Variants in NPTXR observed in about 807,000 individuals in gnomAD.
NPTXR encodes the protein neuronal pentraxin receptor.
A neutral mutation model predicts 32.2 loss-of-function variants in NPTXR; 12 were observed. The observed-to-expected ratio is 0.37, with a 90% CI of 0.24 to 0.60. The LOEUF is 0.60. NPTXR is among the 20% of genes least tolerant of loss of function. NPTXR has a pLI of 0.66. For missense variants in NPTXR, 612 were observed against 682.9 expected, an observed-to-expected ratio of 0.90 and a Z score of 1.16; for synonymous variants, 323 against 315.8, an observed-to-expected ratio of 1.02 and a Z score of -0.24.
At position 38,823,073 on chromosome 22, in the gene NPTXR, T is replaced by C. The variant is rs2093100740; in HGVS notation, c.1278+10A>G. 1 of 1,614,024 alleles carries C rather than the reference T, an allele frequency of 6.2e-7. No homozygotes were observed. Among genetic ancestry groups the C allele is most frequent in the Non-Finnish European group, 8.5e-7 (1 of 1,179,932 alleles). Reference sequence around the variant, plus strand: ...AGGAGGTCCAGCCCCAATATCAGCCTGAGCCTTACCTGCTCCTGGCCCAAG... The same window carrying C: ...AGGAGGTCCAGCCCCAATATCAGCCCGAGCCTTACCTGCTCCTGGCCCAAG... On this transcript the variant is annotated intron_variant, in intron 4 of 4. Transcript: ENST00000333039.
intron 3 of NPTXR, 78 bp downstream of exon 3, chr22:38,826,422 G>C (rs2093106655): frequency 6.7e-6 from 10 of 1,487,954 alleles, no homozygotes; most frequent in Non-Finnish European, 9.1e-6. Context: ...GCAGGAGAAT[G>C]AAAGAGCCCA....
At chr22:38,833,409 C>G (rs2093119285) in intron 1 of NPTXR, among the ~76,000 whole-genome samples, 1 of 152,238 alleles carries the variant, frequency 6.6e-6, no homozygotes, top group African/African-American at 2.4e-5. Flanking sequence ...GGCCCCTCAC[C>G]TCCCCCATCC....
intron 1 of NPTXR, among the ~76,000 whole-genome samples, chr22:38,832,805 C>A (rs188481506): frequency 1.4e-4 from 21 of 151,736 alleles, no homozygotes; most frequent in Admixed American, 9.8e-4. Context: ...GTTGATCTGC[C>A]AAGTGGGCAC....
intron 1 of NPTXR, among the ~76,000 whole-genome samples, chr22:38,830,684 C>G (rs1016346457): frequency 3.9e-5 from 6 of 152,180 alleles, no homozygotes; most frequent in African/African-American, 1.4e-4. Context: ...GAGGTTGCTT[C>G]ACAGGGCAGG....
Position 38,822,702 on chromosome 22 carries a change from G to A in NPTXR, c.1410C>T (p.Gly470=). 1 of 1,614,156 alleles carries A rather than the reference G, an allele frequency of 6.2e-7. No homozygotes were observed. The highest frequency in any genetic ancestry group is 1.1e-5 in the South Asian group (1 of 91,080). The change falls in exon 5 of 5, where the codon GGC becomes GGT. Residue 470 remains glycine (G), a synonymous_variant. Coordinates refer to ENST00000333039, the MANE Select transcript of NPTXR (RefSeq NM_014293.4). ...ACTTGTCTTCCCAGGGAAGGACGTT[G>A]CCCAGCAGTGGCGCAGTGCAGTTGG...
rs1313615471 is a variant in NPTXR at position 38,836,163 on chromosome 22, C to T, written c.624+7072G>A. Reference sequence around the variant, plus strand: ...CATACCGAGTTTGGCGAGGTTTACACGCGGGCGGGCTTGTAAACTCTCTCA... The same window carrying T: ...CATACCGAGTTTGGCGAGGTTTACATGCGGGCGGGCTTGTAAACTCTCTCA... On this transcript the variant is annotated intron_variant, in intron 1 of 4. Coordinates refer to ENST00000333039, the MANE Select transcript of NPTXR (RefSeq NM_014293.4). 2.0e-5 allele frequency among the ~76,000 whole-genome samples: 3 copies of T among 152,124 alleles called. No homozygotes were observed. The East Asian group carries it at 5.8e-4, about 29-fold the overall frequency.
At chr22:38,827,967 G>T (rs1444713022) in intron 2 of NPTXR, among the ~76,000 whole-genome samples, 1 of 152,174 alleles carries the variant, frequency 6.6e-6, no homozygotes, top group Non-Finnish European at 1.5e-5. Context: ...CGCCACTTTT[G>T]TCTGTGTGAC....
chr22:38,843,243 G>T lies in NPTXR; in HGVS notation c.616C>A (p.Arg206Ser). 1 of 1,391,600 alleles carries T rather than the reference G, an allele frequency of 7.2e-7. No individual in the cohort carries two copies. Among genetic ancestry groups the T allele is most frequent in the Non-Finnish European group, 9.3e-7 (1 of 1,078,054 alleles). The allele number at this position is 1,391,600 out of a possible 1,614,324, so 86.2% of individuals were successfully genotyped here. Reference sequence around the variant, plus strand: ...CGGCGCGCGGCGCTCACCTCCAGGCGGTCGATGCGGTCCCGCAGGGCGCGC... The same window carrying T: ...CGGCGCGCGGCGCTCACCTCCAGGCTGTCGATGCGGTCCCGCAGGGCGCGC... Residue 206 changes from arginine (R) to serine (S), a missense_variant, in exon 1 of 5, where the codon CGC (arginine) becomes AGC (serine). By Grantham distance (110) the Arg-to-Ser change is moderately radical. Coordinates refer to ENST00000333039, the MANE Select transcript of NPTXR (RefSeq NM_014293.4). This position sits in a 1 kb window ranked among gnomAD's most constrained non-coding sequence, Gnocchi z 5.3.
intron 1 of NPTXR, among the ~76,000 whole-genome samples, chr22:38,838,863 G>A (rs1387445250): frequency 6.6e-6 from 1 of 152,112 alleles, no homozygotes; most frequent in Non-Finnish European, 1.5e-5. Context: ...TTACAGGTGT[G>A]AGCCACCGCG....
rs1180035988 is a variant in NPTXR, at chr22:38,818,983, C to T, written c.*3626G>A. 1 of 152,348 alleles carries T rather than the reference C, an allele frequency of 6.6e-6. No individual in the cohort carries two copies. The highest frequency in any genetic ancestry group is 1.5e-5 in the Non-Finnish European group (1 of 68,162). 9.4% of individuals were successfully genotyped at this position (152,348 alleles called of 1,614,324 possible). ...CTGGGTGGCCTTGAGGGTCGCTCCCCTCCCCGGGCTTCAGCTTCCTCATCT... is the reference window on the plus strand; with the variant it reads ...CTGGGTGGCCTTGAGGGTCGCTCCCTTCCCCGGGCTTCAGCTTCCTCATCT... On this transcript the variant is annotated 3_prime_UTR_variant, in exon 5 of 5. Coordinates refer to ENST00000333039, the MANE Select transcript of NPTXR (RefSeq NM_014293.4). This position sits in a 1 kb window ranked among gnomAD's most constrained non-coding sequence, Gnocchi z 4.5.
rs56034166 is a variant in NPTXR, at chr22:38,826,593, G to T, written c.1005C>A (p.Gly335=). The T allele has an allele frequency of 1.2e-6, 2 of 1,614,250 alleles. No homozygotes were observed. Among genetic ancestry groups the T allele is most frequent in the East Asian group, 2.2e-5 (1 of 44,890 alleles). The change falls in exon 3 of 5, where the codon GGC becomes GGA. Residue 335 remains glycine (G), a synonymous_variant. Transcript: ENST00000333039. ...CGGGCACTGAGTAGGAGAAGGGGGTGCCCTGGCCGGTGCCGCTGGACCTGG... is the reference window on the plus strand; with the variant it reads ...CGGGCACTGAGTAGGAGAAGGGGGTTCCCTGGCCGGTGCCGCTGGACCTGG...
At chr22:38,840,357 G>T (rs1388930609) in intron 1 of NPTXR, among the ~76,000 whole-genome samples, 1 of 152,126 alleles carries the variant, frequency 6.6e-6, no homozygotes. Flanking sequence ...CTGAGAGAGG[G>T]GTCAGGAGCG....
intron 1 of NPTXR, among the ~76,000 whole-genome samples, chr22:38,833,327 CA>C (rs2093119142): frequency 6.6e-6 from 1 of 152,182 alleles, no homozygotes; most frequent in Non-Finnish European, 1.5e-5. Context: ...CCTCCCTCAC[CA>C]GGGGCAGACT....
chr22:38,842,515 C>T (rs963510585), intron 1 of NPTXR, among the ~76,000 whole-genome samples: 6 of 152,218 alleles, frequency 3.9e-5, no homozygotes, highest in Non-Finnish European at 7.4e-5. Context: ...CCCCTTGTGT[C>T]TGACCCCAAG....
At position 38,843,941 on chromosome 22, in the gene NPTXR, C is replaced by G; in HGVS notation, c.-83G>C. 2.4e-6 allele frequency: 2 copies of G among 821,338 alleles called. No homozygotes were observed. Among genetic ancestry groups the G allele is most frequent in the Non-Finnish European group, 2.9e-6 (2 of 682,606 alleles). 50.9% of individuals were successfully genotyped at this position (821,338 alleles called of 1,614,324 possible). A position where few individuals can be genotyped will look rare whatever the true frequency, so the allele number is the denominator to read the frequency against. On this transcript the variant is annotated 5_prime_UTR_variant, in exon 1 of 5. Coordinates refer to ENST00000333039, the MANE Select transcript of NPTXR (RefSeq NM_014293.4). This position sits in a 1 kb window ranked among gnomAD's most constrained non-coding sequence, Gnocchi z 5.3. Reference sequence around the variant, plus strand: ...GGCGCGGAGCCCGGGCGCGCTGGGCCGAGCGGGGCAGGCGCGGGAGCCGGA... The same window carrying G: ...GGCGCGGAGCCCGGGCGCGCTGGGCGGAGCGGGGCAGGCGCGGGAGCCGGA...
Position 38,843,487 on chromosome 22 carries a change from C to T in NPTXR, c.372G>A (p.Leu124=). The change falls in exon 1 of 5, where the codon CTG becomes CTA. Residue 124 remains leucine, a synonymous_variant. Coordinates refer to ENST00000333039, the MANE Select transcript of NPTXR (RefSeq NM_014293.4). The surrounding 1 kb of genome is among the most constrained non-coding windows in gnomAD (Gnocchi z 5.3). Reference sequence around the variant, plus strand: ...GCTGCTCGGCCGTGCTCTGCAGCAGCAGCAGCTCTTCGCGCTCGCCCGGCG... The same window carrying T: ...GCTGCTCGGCCGTGCTCTGCAGCAGTAGCAGCTCTTCGCGCTCGCCCGGCG... 7.7e-7 allele frequency: 1 copy of T among 1,303,050 alleles called. No homozygotes were observed. Among genetic ancestry groups the T allele is most frequent in the South Asian group, 2.2e-5 (1 of 44,656 alleles). The allele number at this position is 1,303,050 out of a possible 1,614,324, so 80.7% of individuals were successfully genotyped here.
chr22:38,843,050 T>G lies in NPTXR; in HGVS notation c.624+185A>C, dbSNP rs935956780. On this transcript the variant is annotated intron_variant, in intron 1 of 4. Coordinates refer to ENST00000333039, the MANE Select transcript of NPTXR (RefSeq NM_014293.4). This position sits in a 1 kb window ranked among gnomAD's most constrained non-coding sequence, Gnocchi z 5.3. ...ATCTTTCTGGCGCGCCCTCTGTGCC[T>G]CAGTCACCGTGCCAGACGCCTGCCC... 7.2e-5 allele frequency among the ~76,000 whole-genome samples: 11 copies of G among 152,168 alleles called. No individual in the cohort carries two copies. The highest frequency in any genetic ancestry group is 6.5e-5 in the Admixed American group (1 of 15,280).
intron 3 of NPTXR, 92 bp from the exon 4 acceptor site, chr22:38,823,354 T>C: frequency 8.3e-7 from 1 of 1,209,736 alleles, no homozygotes; most frequent in Non-Finnish European, 1.2e-6. Flanking sequence ...GAGACCCATG[T>C]CCATCCTTCC....
Position 38,823,152 on chromosome 22 carries a change from G to A in NPTXR, c.1209C>T (p.Gly403=). 2 of 1,614,136 alleles carry A rather than the reference G, an allele frequency of 1.2e-6. No homozygotes were observed. Among genetic ancestry groups the A allele is most frequent in the Non-Finnish European group, 1.7e-6 (2 of 1,180,024 alleles). The change falls in exon 4 of 5, where the codon GGC becomes GGT. Residue 403 remains glycine (G), a synonymous_variant. Transcript: ENST00000333039. ...GCCAGGCAGCCAGGTTCTCACCGGA[G>A]CCCTGCAGCTCCCCGTCCTGGTAGG...
Sources: gnomAD v4.1 joint callset for allele counts (sites outside exome capture counted in the v4.1 genomes callset) on GRCh38, gnomAD v4.1.1 for gene constraint, Gnocchi (gnomAD v3.1) non-coding constraint, MANE v1.5 for transcripts, NCBI Gene and HGNC (gene_info 2026-07-23, HGNC 2026-07-21) for gene names.